Variants in EXOC6B observed in about 807,000 individuals in gnomAD.
EXOC6B encodes the protein exocyst complex component 6B.
EXOC6B carries 54 observed loss-of-function variants against 113.5 expected under a neutral mutation model. That is an observed-to-expected ratio of 0.48 (90% CI 0.38 to 0.60). The LOEUF (loss-of-function observed/expected upper bound fraction) is 0.60, where lower values mean the gene tolerates loss of function less well. EXOC6B is among the 20% of genes least tolerant of loss of function. EXOC6B has a pLI of 0.00. For synonymous variants in EXOC6B, 357 were observed against 339.0 expected (o/e 1.05, Z -0.58); for missense variants, 797 against 977.5 (o/e 0.82, Z 2.46).
At chr2:72,426,994 C>G (rs1435004719) in intron 18 of EXOC6B, among the ~76,000 whole-genome samples, 2 of 152,334 alleles carry the variant, frequency 1.3e-5, no homozygotes, top group Admixed American at 6.5e-5. Flanking sequence ...CTCCCAGGCC[C>G]GGAGCCTCAG....
At chr2:72,641,642 C>G (rs181576569) in intron 6 of EXOC6B, among the ~76,000 whole-genome samples, 53 of 152,354 alleles carry the variant, frequency 3.5e-4, no homozygotes, top group Admixed American at 1.4e-3. Context: ...CAGGGCATAG[C>G]TGAACAAAAG....
chr2:72,306,432 A>G (rs985668886), intron 20 of EXOC6B, among the ~76,000 whole-genome samples: 3 of 152,148 alleles, frequency 2.0e-5, no homozygotes, highest in African/African-American at 7.2e-5. Context: ...TTTTTTGTGT[A>G]TTATGCCCCA....
At chr2:72,391,106 G>T (rs1692346517) in intron 18 of EXOC6B, among the ~76,000 whole-genome samples, 1 of 152,118 alleles carries the variant, frequency 6.6e-6, no homozygotes, top group Admixed American at 6.5e-5. Flanking sequence ...GTACTTCTAG[G>T]AGATTGCTGG....
intron 18 of EXOC6B, among the ~76,000 whole-genome samples, chr2:72,415,521 T>C (rs948889621): frequency 2.1e-5 from 3 of 139,588 alleles, no homozygotes; most frequent in Non-Finnish European, 4.6e-5. Context: ...CTGTGGTTTC[T>C]TTTTTTTTTT....
At chr2:72,380,971 T>C (rs1572999451) in intron 18 of EXOC6B, among the ~76,000 whole-genome samples, 1 of 152,122 alleles carries the variant, frequency 6.6e-6, no homozygotes, top group African/African-American at 2.4e-5. Context: ...ATTTCAGCCA[T>C]ACAGAAAAAT....
chr2:72,535,710 C>G (rs1178670008), intron 8 of EXOC6B, among the ~76,000 whole-genome samples: 5 of 151,830 alleles, frequency 3.3e-5, no homozygotes, highest in African/African-American at 1.2e-4. Flanking sequence ...CCCATCTCTA[C>G]TTATACAAAA....
intron 18 of EXOC6B, among the ~76,000 whole-genome samples, chr2:72,423,850 C>T (rs1028342544): frequency 2.6e-5 from 4 of 152,018 alleles, no homozygotes; most frequent in African/African-American, 7.3e-5. Context: ...TAATATCAAA[C>T]GTTTTTTAGG....
chr2:72,594,515 G>T (rs961751814), intron 6 of EXOC6B, among the ~76,000 whole-genome samples: 1 of 152,128 alleles, frequency 6.6e-6, no homozygotes, highest in Non-Finnish European at 1.5e-5. Flanking sequence ...ATGCTGCCCA[G>T]CCACCTCCAT....
intron 20 of EXOC6B, among the ~76,000 whole-genome samples, chr2:72,267,099 T>C (rs1401709239): frequency 6.6e-6 from 1 of 152,170 alleles, no homozygotes; most frequent in Non-Finnish European, 1.5e-5. Flanking sequence ...TTTTTGTACA[T>C]TGATTTTGTA....
At chr2:72,416,549 G>T (rs1406015051) in intron 18 of EXOC6B, among the ~76,000 whole-genome samples, 5 of 152,166 alleles carry the variant, frequency 3.3e-5, no homozygotes, top group Non-Finnish European at 5.9e-5. Context: ...CTGAAATTTT[G>T]CTGGGCAGAA....
In EXOC6B at chr2:72,228,314, C is replaced by T. The variant is rs188991586; in HGVS notation, c.2197-44127G>A. On this transcript the variant is annotated intron_variant, in intron 20 of 21. Coordinates refer to ENST00000272427, the MANE Select transcript of EXOC6B (RefSeq NM_015189.3). ...TAAGTTTTAGGGTACATGTGCACAA[C>T]GTGCAGGTTTGTTACATATGTATAC... Among the ~76,000 whole-genome samples, 1,023 of 152,016 alleles carry T rather than the reference C, an allele frequency of 6.7e-3. 6 individuals are homozygous for T. The highest frequency in any genetic ancestry group is 0.023 in the African/African-American group (938 of 41,456).
chr2:72,601,165 T>TGC (rs1670411152), intron 6 of EXOC6B, among the ~76,000 whole-genome samples: 1 of 146,878 alleles, frequency 6.8e-6, no homozygotes, highest in African/African-American at 2.5e-5. Flanking sequence ...TGTGTGTGTG[T>TGC]GTGTGTGTGT....
intron 10 of EXOC6B, among the ~76,000 whole-genome samples, chr2:72,513,807 T>C (rs1701070465): frequency 6.6e-6 from 1 of 152,118 alleles, no homozygotes; most frequent in African/African-American, 2.4e-5. Flanking sequence ...TTGTGGCTTT[T>C]TGTTATTATG....
chr2:72,635,860 T>C (rs1356355738), intron 6 of EXOC6B, among the ~76,000 whole-genome samples: 2 of 152,104 alleles, frequency 1.3e-5, no homozygotes, highest in Non-Finnish European at 2.9e-5. Flanking sequence ...CATGACCAAG[T>C]AGGGTTTATT....
At chr2:72,656,255 C>T (rs905305685) in intron 6 of EXOC6B, among the ~76,000 whole-genome samples, 2 of 152,004 alleles carry the variant, frequency 1.3e-5, no homozygotes, top group Non-Finnish European at 2.9e-5. Flanking sequence ...ATAAAAGTAG[C>T]ATTTCAAATT....
chr2:72,294,499 G>C (rs773352048), intron 20 of EXOC6B, among the ~76,000 whole-genome samples: 8 of 152,038 alleles, frequency 5.3e-5, no homozygotes, highest in Non-Finnish European at 1.2e-4. Flanking sequence ...GGTTGCCCAG[G>C]CTGCGTTTTA....
chr2:72,821,062 C>T (rs1686555249), intron 1 of EXOC6B, among the ~76,000 whole-genome samples: 2 of 151,840 alleles, frequency 1.3e-5, no homozygotes, highest in Admixed American at 1.3e-4. Context: ...ATGGAAAAGA[C>T]AAATCACAGA....
In EXOC6B at chr2:72,340,064, C is replaced by T. The variant is rs528468788; in HGVS notation, c.2123-5044G>A. 3.3e-5 allele frequency among the ~76,000 whole-genome samples: 5 copies of T among 152,190 alleles called. No individual in the cohort carries two copies. In the East Asian group the frequency reaches 9.7e-4, roughly 29 times the overall value. ...AAGTGCTTTCTAGACTTCTTGAAGG[C>T]TGATCTTAAAATTAACAAATTCTGT... On this transcript the variant is annotated intron_variant, in intron 19 of 21. Coordinates refer to ENST00000272427, the MANE Select transcript of EXOC6B (RefSeq NM_015189.3).
intron 19 of EXOC6B, among the ~76,000 whole-genome samples, chr2:72,339,234 T>TAA (rs1688884202): frequency 6.6e-6 from 1 of 152,144 alleles, no homozygotes; most frequent in African/African-American, 2.4e-5. Flanking sequence ...GAGCTGTTAA[T>TAA]TAAAATTGTC....
Sources: gnomAD v4.1 joint callset for allele counts (sites outside exome capture counted in the v4.1 genomes callset) on GRCh38, gnomAD v4.1.1 for gene constraint, MANE v1.5 for transcripts, NCBI Gene and HGNC (gene_info 2026-07-23, HGNC 2026-07-21) for gene names.